SCN7A: variants seen among roughly 807,000 people sequenced by gnomAD.
SCN7A encodes the protein sodium channel protein type 7 subunit alpha.
In SCN7A, 138 loss-of-function variants were observed where a neutral mutation model predicts 155.2. The observed-to-expected ratio is 0.89, with a 90% CI of 0.77 to 1.02. The LOEUF (loss-of-function observed/expected upper bound fraction) is 1.02. Ranked by LOEUF, SCN7A falls within the 50% of genes least tolerant of loss-of-function variation. The pLI is 0.00. For missense variants in SCN7A, 2,058 were observed against 1,986.6 expected, an observed-to-expected ratio of 1.04 and a Z score of -0.68; for synonymous variants, 693 against 649.0, an observed-to-expected ratio of 1.07 and a Z score of -1.03.
chr2:166,483,506 A>G (rs1416913593), intron 2 of SCN7A, among the ~76,000 whole-genome samples: 1 of 151,936 alleles, frequency 6.6e-6, no homozygotes, highest in Non-Finnish European at 1.5e-5. Context: ...AAGGTTTGGA[A>G]GTGGGCAGTT....
At chr2:166,486,065 T>A (rs2105534242) in intron 2 of SCN7A, among the ~76,000 whole-genome samples, 1 of 152,318 alleles carries the variant, frequency 6.6e-6, no homozygotes, top group African/African-American at 2.4e-5. Flanking sequence ...TGATACTAAT[T>A]GTTCCCCTAA....
chr2:166,445,129 A>C (rs1702035520), intron 12 of SCN7A, 129 bp from the exon 13 acceptor site: 1 of 610,086 alleles, frequency 1.6e-6, no homozygotes, highest in South Asian at 2.0e-5. Flanking sequence ...CAGCCTGGTC[A>C]ATATAGTGAA....
intron 13 of SCN7A, among the ~76,000 whole-genome samples, chr2:166,444,017 T>G (rs1015448265): frequency 3.3e-5 from 5 of 152,210 alleles, no homozygotes; most frequent in Non-Finnish European, 7.3e-5. Flanking sequence ...TTTTTCATCC[T>G]CTGAGAAAAC....
intron 11 of SCN7A, among the ~76,000 whole-genome samples, chr2:166,454,308 T>C (rs546752543): frequency 6.6e-6 from 1 of 152,202 alleles, no homozygotes; most frequent in Non-Finnish European, 1.5e-5. Context: ...GGCTTACTCA[T>C]ATATAATGGG....
chr2:166,457,148 T>TA, intron 10 of SCN7A, 72 bp from the exon 11 acceptor site: 1 of 1,131,654 alleles, frequency 8.8e-7, no homozygotes, highest in Non-Finnish European at 1.2e-6. Flanking sequence ...TATTTTAAAA[T>TA]AAAAGGCAAA....
rs963285250 is a variant in SCN7A at position 166,406,140 on chromosome 2, C to T, written c.4489G>A (p.Glu1497Lys). 6.2e-6 allele frequency: 10 copies of T among 1,611,792 alleles called. No homozygotes were observed. The highest frequency in any genetic ancestry group is 7.6e-6 in the Non-Finnish European group (9 of 1,178,806). ...IVNMYIVVVM[E>K]FLNIASKKKN... ...TTCTTAGAAGCAATATTTAAAAACT[C>T]CATGACAACAACAATGTACATATTT... The change falls in exon 26 of 26, where the codon GAG becomes AAG. Residue 1497 changes from glutamate (E) to lysine (K), a missense_variant. Coordinates refer to ENST00000643258, the MANE Select transcript of SCN7A (RefSeq NM_002976.4).
intron 2 of SCN7A, among the ~76,000 whole-genome samples, chr2:166,481,530 G>A (rs1702927034): frequency 6.6e-6 from 1 of 152,030 alleles, no homozygotes; most frequent in African/African-American, 2.4e-5. Context: ...AATTGTCAAG[G>A]GATTTTACTT....
intron 11 of SCN7A, among the ~76,000 whole-genome samples, chr2:166,450,576 C>A (rs1231156224): frequency 6.6e-6 from 1 of 152,064 alleles, no homozygotes; most frequent in African/African-American, 2.4e-5. Flanking sequence ...CCGAGGCGAG[C>A]AGATCACGAG....
rs763878028 is a variant in SCN7A at position 166,475,119 on chromosome 2, T to TATATATATAC, written c.235-776_235-775insGTATATATAT. Among the ~76,000 whole-genome samples, 191 of 130,150 alleles carry TATATATATAC rather than the reference T, an allele frequency of 1.5e-3. 1 individual carries two copies. Among genetic ancestry groups the TATATATATAC allele is most frequent in the African/African-American group, 4.8e-3 (169 of 35,268 alleles). 85.4% of individuals were successfully genotyped at this position (130,150 alleles called of 152,430 possible). A position where few individuals can be genotyped will look rare whatever the true frequency, so the allele number is the denominator to read the frequency against. On this transcript the variant is annotated intron_variant, in intron 3 of 25. Transcript: ENST00000643258. ...ACATATATATGTATATATATATATA[T>TATATATATAC]ACATATATATATATATATACACACA...
chr2:166,425,051 T>C (rs1701592694), intron 18 of SCN7A, among the ~76,000 whole-genome samples: 3 of 152,114 alleles, frequency 2.0e-5, no homozygotes, highest in Admixed American at 6.6e-5. Flanking sequence ...AATCAACGGC[T>C]GAGTGGAATA....
chr2:166,427,891 C>T lies in SCN7A; in HGVS notation c.2750G>A (p.Gly917Glu). Residue 917 changes from glycine (G) to glutamate (E), a missense_variant, in exon 18 of 26, where the codon GGA becomes GAA. Coordinates refer to ENST00000643258, the MANE Select transcript of SCN7A (RefSeq NM_002976.4). Reference sequence around the variant, plus strand: ...TTTCCTGATGTTCTGCCAGATTTTTCCTTTCTTGGATGCTCCACTGATTTG... The same window carrying T: ...TTTCCTGATGTTCTGCCAGATTTTTTCTTTCTTGGATGCTCCACTGATTTG... Reference protein sequence around the residue: ...LGQISGASKKGKIWQNIRKTC... With the variant: ...LGQISGASKKEKIWQNIRKTC... 2 of 1,612,812 alleles carry T rather than the reference C, an allele frequency of 1.2e-6. No homozygotes were observed. The highest frequency in any genetic ancestry group is 1.7e-6 in the Non-Finnish European group (2 of 1,179,306).
intron 11 of SCN7A, among the ~76,000 whole-genome samples, chr2:166,450,990 C>G (rs1702165549): frequency 6.6e-6 from 1 of 152,018 alleles, no homozygotes; most frequent in East Asian, 1.9e-4. Flanking sequence ...TTATATGTAT[C>G]TCTCATAAAG....
chr2:166,483,620 T>TA (rs1702980304), intron 2 of SCN7A, among the ~76,000 whole-genome samples: 1 of 151,768 alleles, frequency 6.6e-6, no homozygotes, highest in Non-Finnish European at 1.5e-5. Context: ...ACAAAACTTA[T>TA]AAAATCAATA....
chr2:166,490,831 A>G (rs560584987), intron 1 of SCN7A, among the ~76,000 whole-genome samples: 1 of 152,332 alleles, frequency 6.6e-6, no homozygotes, highest in Admixed American at 6.5e-5. Flanking sequence ...AAGCTCCTTT[A>G]GCTTTTCAAA....
chr2:166,405,914 A>G lies in SCN7A; in HGVS notation c.4715T>C (p.Ile1572Thr). Residue 1572 changes from isoleucine (I) to threonine (T), a missense_variant, in exon 26 of 26, where the codon ATT (isoleucine) becomes ACT (threonine). Physicochemically the swap from Ile to Thr is moderately conservative, Grantham distance 89. Coordinates refer to ENST00000643258, the MANE Select transcript of SCN7A (RefSeq NM_002976.4). ...AGCAAGTAAGATATCGAGGCAATGA[A>G]TTCTGTCCCCAACAGCCATGGGGAG... ...LDLPMAVGDR[I>T]HCLDILLAFT... 1 of 1,613,164 alleles carries G rather than the reference A, an allele frequency of 6.2e-7. No individual in the cohort carries two copies. The highest frequency in any genetic ancestry group is 8.5e-7 in the Non-Finnish European group (1 of 1,179,434).
At chr2:166,414,245 A>AATATAT (rs550020340) in intron 21 of SCN7A, among the ~76,000 whole-genome samples, 1 of 84,248 alleles carries the variant, frequency 1.2e-5, no homozygotes, top group South Asian at 3.6e-4. Context: ...TATATATGTA[A>AATATAT]ATATATATAG....
chr2:166,493,200 A>G (rs1559134447), intron 1 of SCN7A, among the ~76,000 whole-genome samples: 1 of 151,918 alleles, frequency 6.6e-6, no homozygotes, highest in Non-Finnish European at 1.5e-5. Context: ...CACCACCCAA[A>G]CTCTTTCCCA....
chr2:166,488,452 CAT>C (rs1457222030), intron 1 of SCN7A, among the ~76,000 whole-genome samples: 2 of 152,038 alleles, frequency 1.3e-5, no homozygotes, highest in Non-Finnish European at 2.9e-5. Context: ...AAAGGATAGA[CAT>C]AAAGTTGCCT....
At chr2:166,413,981 G>GTGTGTATATATATATATATATATATA (rs1553513525) in intron 21 of SCN7A, among the ~76,000 whole-genome samples, 3 of 53,502 alleles carry the variant, frequency 5.6e-5, no homozygotes, top group African/African-American at 1.5e-4. Flanking sequence ...ATGTGTATGT[G>GTGTGTATATATATATATATATATATA]TATATATATA....
Sources: gnomAD v4.1 joint callset for allele counts (sites outside exome capture counted in the v4.1 genomes callset) on GRCh38, gnomAD v4.1.1 for gene constraint, MANE v1.5 for transcripts, NCBI Gene and HGNC (gene_info 2026-07-23, HGNC 2026-07-21) for gene names.